Variants in OPCML observed in about 807,000 individuals in gnomAD.
The protein encoded by OPCML is opioid binding protein/cell adhesion molecule like, also known as opioid-binding protein/cell adhesion molecule.
OPCML carries 13 observed loss-of-function variants against 37.8 expected under a neutral mutation model. The observed-to-expected ratio is 0.34, with a 90% CI of 0.22 to 0.55. The LOEUF is 0.55. Among genes scored for constraint, OPCML ranks in the 20% least tolerant of loss-of-function variants. The probability of loss-of-function intolerance (pLI) is 0.91; values close to 1 mark genes in which losing one functional copy is unlikely to be tolerated. For missense variants in OPCML, 341 were observed against 435.6 expected, an observed-to-expected ratio of 0.78 and a Z score of 1.93; for synonymous variants, 176 against 168.8, an observed-to-expected ratio of 1.04 and a Z score of -0.33.
At chr11:132,492,017 G>T (rs1357705530) in intron 4 of OPCML, among the ~76,000 whole-genome samples, 2 of 150,698 alleles carry the variant, frequency 1.3e-5, no homozygotes, top group African/African-American at 4.9e-5. Flanking sequence ...GTGAGTGAGA[G>T]CATGAGCCAT....
At chr11:132,994,182 T>C (rs1012958046) in intron 1 of OPCML, among the ~76,000 whole-genome samples, 3 of 152,218 alleles carry the variant, frequency 2.0e-5, no homozygotes, top group African/African-American at 7.2e-5. Context: ...GTAAATAAGA[T>C]TCAGGGCGGG....
At chr11:132,884,857 T>C (rs1383922028) in intron 2 of OPCML, among the ~76,000 whole-genome samples, 1 of 152,248 alleles carries the variant, frequency 6.6e-6, no homozygotes, top group Admixed American at 6.5e-5. Flanking sequence ...CTCAGATTTG[T>C]GACACATCAT....
At chr11:132,987,434 T>TG (rs1565383453) in intron 1 of OPCML, among the ~76,000 whole-genome samples, 1 of 151,898 alleles carries the variant, frequency 6.6e-6, no homozygotes, top group Non-Finnish European at 1.5e-5. Context: ...AAAGAAGAGA[T>TG]GGAGACAGTG....
At chr11:132,901,561 G>A (rs1453238672) in intron 2 of OPCML, among the ~76,000 whole-genome samples, 1 of 152,174 alleles carries the variant, frequency 6.6e-6, no homozygotes, top group Non-Finnish European at 1.5e-5. Context: ...AGGATGTGAT[G>A]TACAATTAGC....
chr11:133,068,391 G>T (rs1470421713), intron 1 of OPCML, among the ~76,000 whole-genome samples: 1 of 152,186 alleles, frequency 6.6e-6, no homozygotes, highest in Non-Finnish European at 1.5e-5. Flanking sequence ...GCCAGCAGAG[G>T]TCTATGCCCA....
chr11:133,423,008 T>C, intron 1 of OPCML: 6 of 985,400 alleles, frequency 6.1e-6, no homozygotes, highest in Non-Finnish European at 7.2e-6. Flanking sequence ...TCCTTCTTCC[T>C]TCTCCACTGT....
At chr11:133,204,489 G>GTCT (rs1938946527) in intron 1 of OPCML, among the ~76,000 whole-genome samples, 2 of 152,188 alleles carry the variant, frequency 1.3e-5, no homozygotes, top group South Asian at 4.2e-4. Context: ...ACCAAGGAGT[G>GTCT]GACACTTTGT....
At chr11:132,773,850 C>A (rs376973002) in intron 2 of OPCML, among the ~76,000 whole-genome samples, 1 of 152,102 alleles carries the variant, frequency 6.6e-6, no homozygotes, top group Non-Finnish European at 1.5e-5. Context: ...TTAAGTGATT[C>A]CACTGAGCCT....
At chr11:132,845,091 G>C (rs1431219786) in intron 2 of OPCML, among the ~76,000 whole-genome samples, 2 of 152,062 alleles carry the variant, frequency 1.3e-5, no homozygotes, top group Non-Finnish European at 2.9e-5. Context: ...TGGGACCAAG[G>C]TATGTGGGGA....
intron 1 of OPCML, among the ~76,000 whole-genome samples, chr11:133,180,470 T>C (rs1937770994): frequency 6.6e-6 from 1 of 152,034 alleles, no homozygotes; most frequent in South Asian, 2.1e-4. Flanking sequence ...GTTCAAATCA[T>C]AGCAAATGTA....
chr11:132,778,802 G>A (rs1431275322), intron 2 of OPCML, among the ~76,000 whole-genome samples: 3 of 152,050 alleles, frequency 2.0e-5, no homozygotes, highest in Non-Finnish European at 2.9e-5. Context: ...GGCTCAATTC[G>A]TAGAAGTATT....
intron 3 of OPCML, among the ~76,000 whole-genome samples, chr11:132,582,902 A>G (rs989006302): frequency 4.8e-5 from 7 of 146,204 alleles, no homozygotes; most frequent in African/African-American, 1.3e-4. Flanking sequence ...CTGGAGTACA[A>G]TGGAGTGATC....
intron 1 of OPCML, among the ~76,000 whole-genome samples, chr11:133,398,234 C>G (rs76710349): frequency 0.011 from 1,651 of 152,292 alleles, 42 homozygotes; most frequent in African/African-American, 0.037. Context: ...TGTTTTCAAG[C>G]CTCGTCTCTG....
At chr11:132,932,422 T>C (rs1400880358) in intron 2 of OPCML, among the ~76,000 whole-genome samples, 1 of 152,142 alleles carries the variant, frequency 6.6e-6, no homozygotes. Context: ...TGCGTCCAAG[T>C]ATACTGATGT....
chr11:132,712,935 C>T (rs1011798459), intron 2 of OPCML, among the ~76,000 whole-genome samples: 1 of 152,234 alleles, frequency 6.6e-6, no homozygotes, highest in African/African-American at 2.4e-5. Flanking sequence ...CTGGAGCAGG[C>T]GATGCTCAGG....
chr11:132,698,853 A>T (rs1943700929), intron 2 of OPCML, among the ~76,000 whole-genome samples: 1 of 151,936 alleles, frequency 6.6e-6, no homozygotes, highest in South Asian at 2.1e-4. Context: ...TGAATATCCA[A>T]TTTTTTCAAT....
chr11:133,422,568 A>G (rs1192470209), intron 1 of OPCML: 4 of 953,738 alleles, frequency 4.2e-6, no homozygotes, highest in Admixed American at 1.2e-4. Context: ...CGGTGCGAAC[A>G]TGCTCCTCAA....
chr11:133,128,113 C>T (rs764455506), intron 1 of OPCML, among the ~76,000 whole-genome samples: 12 of 151,446 alleles, frequency 7.9e-5, no homozygotes, highest in South Asian at 4.1e-4. Context: ...TACTCTTTAC[C>T]GCAGGTTTCC....
At chr11:132,486,468 T>C (rs1344428578) in intron 4 of OPCML, among the ~76,000 whole-genome samples, 1 of 152,090 alleles carries the variant, frequency 6.6e-6, no homozygotes, top group African/African-American at 2.4e-5. Flanking sequence ...ACTTTTATAA[T>C]CTTTTTAGAA....
Sources: allele counts gnomAD v4.1 joint callset (sites outside exome capture counted in the v4.1 genomes callset), GRCh38; gene constraint gnomAD v4.1.1; transcripts MANE v1.5; gene names NCBI Gene and HGNC (gene_info 2026-07-23, HGNC 2026-07-21).